PHF21B: variants seen among roughly 807,000 people sequenced by gnomAD.
PHF21B encodes the protein PHD finger protein 21B.
Under a neutral mutation model 62.2 loss-of-function variants are expected in PHF21B, and 22 were observed. The ratio of observed to expected loss-of-function variants is 0.35; its 90% CI spans 0.25 to 0.51. PHF21B has a LOEUF of 0.51. PHF21B is among the 20% of genes least tolerant of loss of function. The pLI, the probability that PHF21B is intolerant of heterozygous loss-of-function variation, is 0.97. For synonymous variants in PHF21B, 341 were observed against 314.7 expected (o/e 1.08, Z -0.88); for missense variants, 701 against 707.9 (o/e 0.99, Z 0.11).
At position 44,883,090 on chromosome 22, in the gene PHF21B, T is replaced by C. The variant is rs763504666; in HGVS notation, c.1592A>G (p.Asn531Ser). The C allele has an allele frequency of 9.3e-6, 15 of 1,609,918 alleles. No homozygotes were observed. Among genetic ancestry groups the C allele is most frequent in the Admixed American group, 1.7e-5 (1 of 59,894 alleles). Reference sequence around the variant, plus strand: ...ATGAAGACTGGTCCCTCGGGGTCAGTTGTGGCCCTGGGGGTGCTGGACGGT... The same window carrying C: ...ATGAAGACTGGTCCCTCGGGGTCAGCTGTGGCCCTGGGGGTGCTGGACGGT... ...HPTVQHPQGH[N>S] Residue 531 changes from asparagine (N) to serine (S), a missense_variant, in exon 13 of 13, where the codon AAC becomes AGC. Asn to Ser is a conservative substitution (Grantham distance 46, BLOSUM62 1). Transcript: ENST00000313237.
At chr22:44,975,341 C>T (rs553101901) in intron 2 of PHF21B, among the ~76,000 whole-genome samples, 1 of 152,222 alleles carries the variant, frequency 6.6e-6, no homozygotes, top group African/African-American at 2.4e-5. Flanking sequence ...CTGTTCCTTC[C>T]GGAGCAGGAA....
chr22:44,905,576 G>C (rs1569218346), intron 5 of PHF21B, among the ~76,000 whole-genome samples: 1 of 152,112 alleles, frequency 6.6e-6, no homozygotes, highest in Admixed American at 6.6e-5. Context: ...ATGAGATCTC[G>C]CATATGTTAG....
intron 2 of PHF21B, among the ~76,000 whole-genome samples, chr22:44,996,012 T>C (rs2073116469): frequency 6.6e-6 from 1 of 152,132 alleles, no homozygotes; most frequent in Non-Finnish European, 1.5e-5. Context: ...TGGCCGGGGA[T>C]ATGTGGAAAG....
chr22:44,896,880 G>GTTTTTTTTTTTTTTTTTTTTTTTTTTTTT (rs56878868), intron 5 of PHF21B, among the ~76,000 whole-genome samples: 2 of 84,092 alleles, frequency 2.4e-5, no homozygotes, highest in Non-Finnish European at 2.4e-5. Flanking sequence ...AGTTTTATCT[G>GTTTTTTTTTTTTTTTTTTTTTTTTTTTTT]TTTTTTTTTT....
At position 44,900,147 on chromosome 22, in the gene PHF21B, C is replaced by T. The variant is rs117092586; in HGVS notation, c.832-4064G>A. Among the ~76,000 whole-genome samples, 452 of 152,222 alleles carry T rather than the reference C, an allele frequency of 3.0e-3. 1 individual carries two copies. Among genetic ancestry groups the T allele is most frequent in the Non-Finnish European group, 5.3e-3 (359 of 68,022 alleles). On this transcript the variant is annotated intron_variant, in intron 5 of 12. Coordinates refer to ENST00000313237, the MANE Select transcript of PHF21B (RefSeq NM_138415.5). ...CTTACATGAATCTTTTATATATTATCGGAACACATCATATTTAAACTCTAT... is the reference window on the plus strand; with the variant it reads ...CTTACATGAATCTTTTATATATTATTGGAACACATCATATTTAAACTCTAT...
intron 2 of PHF21B, among the ~76,000 whole-genome samples, chr22:44,922,894 A>G (rs2071562601): frequency 6.6e-6 from 1 of 152,254 alleles, no homozygotes; most frequent in African/African-American, 2.4e-5. Flanking sequence ...AATCCTTCCC[A>G]GATTGATCTA....
chr22:45,007,738 A>AGGGGGCGCGGC (rs2073350208), intron 2 of PHF21B, among the ~76,000 whole-genome samples: 1 of 7,576 alleles, frequency 1.3e-4, no homozygotes, highest in African/African-American at 4.9e-4. Flanking sequence ...GAGTGCGGGG[A>AGGGGGCGCGGC]GGGGGCGCGG....
intron 2 of PHF21B, among the ~76,000 whole-genome samples, chr22:44,939,081 C>T (rs193129460): frequency 3.9e-5 from 6 of 152,330 alleles, no homozygotes; most frequent in Admixed American, 1.3e-4. Flanking sequence ...GCTGCACAAG[C>T]GCAGGCCCTT....
At chr22:44,932,531 C>T (rs1259482375) in intron 2 of PHF21B, among the ~76,000 whole-genome samples, 3 of 152,236 alleles carry the variant, frequency 2.0e-5, no homozygotes, top group Non-Finnish European at 4.4e-5. Flanking sequence ...GACCTCCAGA[C>T]CTCTGTAAAA....
intron 2 of PHF21B, among the ~76,000 whole-genome samples, chr22:44,946,311 C>A (rs372632020): frequency 1.1e-4 from 16 of 150,042 alleles, no homozygotes; most frequent in African/African-American, 3.5e-4. Flanking sequence ...GGCCAGATAC[C>A]CCAATTCTGC....
chr22:44,984,211 ATCACC>A (rs2072904054), intron 2 of PHF21B, among the ~76,000 whole-genome samples: 2 of 148,994 alleles, frequency 1.3e-5, no homozygotes, highest in African/African-American at 5.0e-5. Flanking sequence ...TACCACCATC[ATCACC>A]ACCACCATCA....
At chr22:44,884,678 C>T (rs961497008) in intron 12 of PHF21B, among the ~76,000 whole-genome samples, 3 of 151,844 alleles carry the variant, frequency 2.0e-5, no homozygotes, top group Non-Finnish European at 4.4e-5. Flanking sequence ...CCATCACCAT[C>T]ATCACCATCA....
chr22:44,884,029 T>C (rs1197409337), intron 12 of PHF21B, among the ~76,000 whole-genome samples: 6 of 134,352 alleles, frequency 4.5e-5, no homozygotes, highest in East Asian at 2.4e-4. Flanking sequence ...GCCACCACCA[T>C]CACTGTGATC....
intron 2 of PHF21B, among the ~76,000 whole-genome samples, chr22:44,938,740 G>C: frequency 6.6e-6 from 1 of 152,174 alleles, no homozygotes; most frequent in East Asian, 1.9e-4. Context: ...ATGAGGGCCT[G>C]AAAAATAAGG....
At chr22:44,976,232 T>C (rs569459546) in intron 2 of PHF21B, among the ~76,000 whole-genome samples, 1 of 152,254 alleles carries the variant, frequency 6.6e-6, no homozygotes, top group Non-Finnish European at 1.5e-5. Flanking sequence ...AGTAGGATAT[T>C]TTGATGCATG....
chr22:44,898,268 G>A (rs1370323192), intron 5 of PHF21B, among the ~76,000 whole-genome samples: 4 of 152,182 alleles, frequency 2.6e-5, no homozygotes, highest in Non-Finnish European at 5.9e-5. Flanking sequence ...ATTGGGATTT[G>A]TCTGATATTT....
chr22:44,936,200 G>A (rs943097230), intron 2 of PHF21B, among the ~76,000 whole-genome samples: 23 of 152,328 alleles, frequency 1.5e-4, no homozygotes, highest in African/African-American at 4.1e-4. Context: ...GGAGAGCTAC[G>A]GAACGGGGCT....
chr22:44,884,549 C>T (rs374705721), intron 12 of PHF21B, among the ~76,000 whole-genome samples: 4 of 123,398 alleles, frequency 3.2e-5, no homozygotes, highest in Admixed American at 2.6e-4. Context: ...CCACCATCAC[C>T]ACAACCATGA....
chr22:44,911,024 C>G (rs1370154886), intron 5 of PHF21B, among the ~76,000 whole-genome samples: 1 of 152,220 alleles, frequency 6.6e-6, no homozygotes, highest in Non-Finnish European at 1.5e-5. Flanking sequence ...GGAACTGGAG[C>G]AAAGGTGACT....
Sources: allele counts gnomAD v4.1 joint callset (sites outside exome capture counted in the v4.1 genomes callset), GRCh38; gene constraint gnomAD v4.1.1; transcripts MANE v1.5; gene names NCBI Gene and HGNC (gene_info 2026-07-23, HGNC 2026-07-21).